Variants in C1orf185 observed in about 807,000 individuals in gnomAD.
C1orf185 encodes chromosome 1 open reading frame 185.
Under a neutral mutation model 16.1 loss-of-function variants are expected in C1orf185, and 13 were observed. That is an observed-to-expected ratio of 0.81 (90% CI 0.53 to 1.28). The LOEUF (loss-of-function observed/expected upper bound fraction) is 1.28, where lower values mean the gene tolerates loss of function less well. C1orf185 is among the 50% of genes most tolerant of loss of function. The pLI, the probability that C1orf185 is intolerant of heterozygous loss-of-function variation, is 0.00. For synonymous variants in C1orf185, 80 were observed against 76.9 expected (o/e 1.04, Z -0.21); for missense variants, 220 against 225.2 (o/e 0.98, Z 0.15).
intron 2 of C1orf185, among the ~76,000 whole-genome samples, chr1:51,113,097 G>A (rs943753892): frequency 7.9e-5 from 12 of 151,866 alleles, no homozygotes; most frequent in South Asian, 2.1e-4. Context: ...GGGATTACAG[G>A]CATGAGCCAC....
At position 51,118,754 on chromosome 1, in the gene C1orf185, T is replaced by C; in HGVS notation, c.211T>C (p.Cys71Arg). Residue 71 changes from cysteine to arginine, a missense_variant, in exon 3 of 5, where the codon TGT (cysteine) becomes CGT (arginine). Cys to Arg is a radical substitution (Grantham distance 180). Coordinates refer to ENST00000371759, the MANE Select transcript of C1orf185 (RefSeq NM_001136508.2). Reference protein sequence around the residue: ...SMAKIKSHSQCVFISRNFHTG... With the variant: ...SMAKIKSHSQRVFISRNFHTG... ...GGCGAAGATTAAATCTCATTCTCAG[T>C]GTGTTTTTATTTCTCGAAATTTTCA... is the stretch of plus-strand genomic sequence containing the variant. The C allele has an allele frequency of 2.0e-6, 3 of 1,492,584 alleles. No homozygotes were observed. The highest frequency in any genetic ancestry group is 1.4e-5 in the South Asian group (1 of 72,986). 92.5% of individuals were successfully genotyped at this position (1,492,584 alleles called of 1,614,324 possible). A position where few individuals can be genotyped will look rare whatever the true frequency, so the allele number is the denominator to read the frequency against.
chr1:51,133,619 A>G (rs1345236607), intron 3 of C1orf185, among the ~76,000 whole-genome samples: 4 of 152,206 alleles, frequency 2.6e-5, no homozygotes, highest in South Asian at 2.1e-4. Context: ...AGAGTTTTAC[A>G]CCCCACTGAC....
downstream of C1orf185, among the ~76,000 whole-genome samples, chr1:51,152,140 T>C (rs1287862212): frequency 6.6e-6 from 1 of 152,152 alleles, no homozygotes; most frequent in African/African-American, 2.4e-5. Flanking sequence ...TTTGACACTG[T>C]GCTGCCAAGC....
At position 51,140,736 on chromosome 1, in the gene C1orf185, A is replaced by C. The variant is rs1646358747; in HGVS notation, c.259-4988A>C. On this transcript the variant is annotated intron_variant, in intron 3 of 4. Coordinates refer to ENST00000371759, the MANE Select transcript of C1orf185 (RefSeq NM_001136508.2). Reference sequence around the variant, plus strand: ...TGCCTTTCAAGGGATTTTCCACTTCATCTAAGTTGTCTAATTTATTGGCAT... The same window carrying C: ...TGCCTTTCAAGGGATTTTCCACTTCCTCTAAGTTGTCTAATTTATTGGCAT... 5.9e-5 allele frequency among the ~76,000 whole-genome samples: 9 copies of C among 152,164 alleles called. No individual in the cohort carries two copies. The South Asian group carries it at 1.9e-3, about 32-fold the overall frequency.
At chr1:51,110,445 C>G (rs1467878336) in intron 1 of C1orf185, among the ~76,000 whole-genome samples, 1 of 152,068 alleles carries the variant, frequency 6.6e-6, no homozygotes, top group African/African-American at 2.4e-5. Flanking sequence ...GTAGACATTT[C>G]TGATCTCAAA....
intron 1 of C1orf185, among the ~76,000 whole-genome samples, chr1:51,108,628 C>A (rs771446800): frequency 1.3e-5 from 2 of 152,106 alleles, no homozygotes; most frequent in South Asian, 4.1e-4. Context: ...TTACTCTCTT[C>A]TTCATGAGAT....
intron 3 of C1orf185, among the ~76,000 whole-genome samples, chr1:51,128,580 C>T (rs1254735657): frequency 6.6e-6 from 1 of 151,960 alleles, no homozygotes; most frequent in East Asian, 2.0e-4. Context: ...GTAATCCCAG[C>T]TTGTCAGGAG....
intron 1 of C1orf185, among the ~76,000 whole-genome samples, chr1:51,111,832 T>C (rs1026048506): frequency 1.3e-5 from 2 of 152,168 alleles, no homozygotes; most frequent in African/African-American, 4.8e-5. Context: ...TGGTTAATTG[T>C]TTTTTAACTT....
chr1:51,138,225 T>C (rs1646340594), intron 3 of C1orf185, among the ~76,000 whole-genome samples: 1 of 152,164 alleles, frequency 6.6e-6, no homozygotes, highest in South Asian at 2.1e-4. Context: ...TATATATATT[T>C]AAATTAAAAA....
intron 2 of C1orf185, among the ~76,000 whole-genome samples, chr1:51,114,670 C>T (rs1384566324): frequency 6.6e-6 from 1 of 152,158 alleles, no homozygotes; most frequent in Non-Finnish European, 1.5e-5. Context: ...TTGCAGTGAG[C>T]CAAGATCCCA....
At position 51,130,511 on chromosome 1, in the gene C1orf185, G is replaced by A. The variant is rs149753267; in HGVS notation, c.258+11710G>A. ...AATGCAGTTTCTAAGCATCCTTGCC[G>A]GCATTTGATACTATCTATATTGTTT... On this transcript the variant is annotated intron_variant, in intron 3 of 4. Transcript: ENST00000371759. Among the ~76,000 whole-genome samples the A allele has an allele frequency of 3.7e-3, 559 of 152,082 alleles. 9 individuals are homozygous for A. The highest frequency in any genetic ancestry group is 0.024 in the Admixed American group (366 of 15,270).
chr1:51,142,647 C>T (rs1005505794), intron 3 of C1orf185, among the ~76,000 whole-genome samples: 1 of 152,150 alleles, frequency 6.6e-6, no homozygotes, highest in Admixed American at 6.6e-5. Flanking sequence ...AGGGATTTTC[C>T]ACATCAACTA....
At chr1:51,111,420 T>C (rs1646119375) in intron 1 of C1orf185, among the ~76,000 whole-genome samples, 1 of 150,048 alleles carries the variant, frequency 6.7e-6, no homozygotes, top group African/African-American at 2.5e-5. Context: ...TTGCCCAGGC[T>C]AGAGTGCAGT....
At chr1:51,113,510 C>T (rs1646137972) in intron 2 of C1orf185, among the ~76,000 whole-genome samples, 2 of 151,860 alleles carry the variant, frequency 1.3e-5, no homozygotes, top group Non-Finnish European at 2.9e-5. Flanking sequence ...ATGGTGAAAC[C>T]CTCTCTCTAC....
intron 3 of C1orf185, among the ~76,000 whole-genome samples, chr1:51,119,338 T>G (rs1227970385): frequency 1.3e-5 from 2 of 152,036 alleles, no homozygotes; most frequent in East Asian, 3.9e-4. Flanking sequence ...CAATGCTAAA[T>G]GAACAAAGGA....
At chr1:51,137,373 A>G (rs1050126285) in intron 3 of C1orf185, among the ~76,000 whole-genome samples, 1 of 151,894 alleles carries the variant, frequency 6.6e-6, no homozygotes, top group African/African-American at 2.4e-5. Context: ...TCTCCACTAA[A>G]AAATACAAAA....
intron 3 of C1orf185, among the ~76,000 whole-genome samples, chr1:51,122,029 T>TC (rs1320906597): frequency 6.6e-6 from 1 of 152,176 alleles, no homozygotes; most frequent in Non-Finnish European, 1.5e-5. Context: ...TGTTTTAGAC[T>TC]CCATATCTAA....
rs1000882912 is a variant in C1orf185, at chr1:51,104,780, G to T, written c.16+2531G>T. 3.3e-5 allele frequency among the ~76,000 whole-genome samples: 5 copies of T among 152,256 alleles called. No homozygotes were observed. The South Asian group carries it at 6.2e-4, about 19-fold the overall frequency. ...CTATTTCTTACAGTCTAAATCTTAA[G>T]ATTTGGCTTAAGTGTCATTTCTAGA... On this transcript the variant is annotated intron_variant, in intron 1 of 4. Transcript: ENST00000371759.
rs147001963 is a variant in C1orf185, at chr1:51,138,672, G to A, written c.259-7052G>A. 5.3e-3 allele frequency among the ~76,000 whole-genome samples: 794 copies of A among 150,062 alleles called. 3 individuals are homozygous for A. The highest frequency in any genetic ancestry group is 0.018 in the African/African-American group (736 of 40,802). On this transcript the variant is annotated intron_variant, in intron 3 of 4. Transcript: ENST00000371759. Reference sequence around the variant, plus strand: ...CTCCCAAAGTGCTGGTATTACAGGCGTGAGCCACCGTGCTGGCCCAGAATT... The same window carrying A: ...CTCCCAAAGTGCTGGTATTACAGGCATGAGCCACCGTGCTGGCCCAGAATT...
Sources: allele counts gnomAD v4.1 joint callset (sites outside exome capture counted in the v4.1 genomes callset), GRCh38; gene constraint gnomAD v4.1.1; transcripts MANE v1.5; gene names NCBI Gene and HGNC (gene_info 2026-07-23, HGNC 2026-07-21).